EFCAB11: variants seen among roughly 807,000 people sequenced by gnomAD.
The protein encoded by EFCAB11 is EF-hand calcium-binding domain-containing protein 11.
A neutral mutation model predicts 23.0 loss-of-function variants in EFCAB11; 14 were observed. That is an observed-to-expected ratio of 0.61 (90% CI 0.40 to 0.95). The LOEUF is 0.95. EFCAB11 is among the 40% of genes least tolerant of loss of function. The pLI, the probability that EFCAB11 is intolerant of heterozygous loss-of-function variation, is 0.00. For synonymous variants in EFCAB11, 65 were observed against 66.6 expected, an observed-to-expected ratio of 0.98 and a Z score of 0.11; for missense variants, 198 against 195.8, an observed-to-expected ratio of 1.01 and a Z score of -0.07.
At position 89,908,686 on chromosome 14, in the gene EFCAB11, C is replaced by T. The variant is rs372001123; in HGVS notation, c.410+22855G>A. 4.8e-4 allele frequency among the ~76,000 whole-genome samples: 73 copies of T among 152,294 alleles called. No individual in the cohort carries two copies. In the South Asian group the frequency reaches 0.014, roughly 30 times the overall value. ...AGCACTTTGGATAAGAGATACTCAA[C>T]CTGTAGCTGGTTCTCCTCACCTTAC... is the stretch of plus-strand genomic sequence containing the variant. On this transcript the variant is annotated intron_variant, in intron 5 of 5. Transcript: ENST00000316738.
In EFCAB11 at chr14:89,806,608, C is replaced by T. The variant is rs148773025; in HGVS notation, c.411-9284G>A. On this transcript the variant is annotated intron_variant, in intron 5 of 5. Coordinates refer to ENST00000316738, the MANE Select transcript of EFCAB11 (RefSeq NM_145231.4). Reference sequence around the variant, plus strand: ...AGATCTTCCATTCTTCCCCCCATGCCGTAAATATGCAACTACCACAGGCCC... The same window carrying T: ...AGATCTTCCATTCTTCCCCCCATGCTGTAAATATGCAACTACCACAGGCCC... 1.7e-3 allele frequency among the ~76,000 whole-genome samples: 265 copies of T among 152,210 alleles called. 3 individuals are homozygous for T. The highest frequency in any genetic ancestry group is 6.1e-3 in the African/African-American group (255 of 41,516).
intron 5 of EFCAB11, among the ~76,000 whole-genome samples, chr14:89,837,958 T>C (rs1887139202): frequency 6.6e-6 from 1 of 152,144 alleles, no homozygotes. Context: ...AGCTTCTGAG[T>C]CTGCATTTCA....
At chr14:89,876,686 C>T (rs909914944) in intron 5 of EFCAB11, among the ~76,000 whole-genome samples, 1 of 152,156 alleles carries the variant, frequency 6.6e-6, no homozygotes, top group Admixed American at 6.5e-5. Context: ...CTCTTGGCAG[C>T]GCTGCCTGTC....
At chr14:89,805,492 G>T (rs1289719726) in intron 5 of EFCAB11, among the ~76,000 whole-genome samples, 1 of 152,202 alleles carries the variant, frequency 6.6e-6, no homozygotes, top group Non-Finnish European at 1.5e-5. Context: ...GCAGAGGTGA[G>T]GCTTGCTATT....
intron 5 of EFCAB11, among the ~76,000 whole-genome samples, chr14:89,905,026 A>T (rs781410988): frequency 1.3e-5 from 2 of 152,092 alleles, no homozygotes; most frequent in Non-Finnish European, 2.9e-5. Flanking sequence ...TGATTTGGGG[A>T]GTGAAGAAAT....
At chr14:89,844,807 T>A (rs1052376050) in intron 5 of EFCAB11, among the ~76,000 whole-genome samples, 3 of 152,242 alleles carry the variant, frequency 2.0e-5, no homozygotes, top group Non-Finnish European at 4.4e-5. Context: ...CTTCTGGGAC[T>A]TGGCTTTGGG....
In EFCAB11 at chr14:89,950,098, A is replaced by G; in HGVS notation, c.216T>C (p.Ser72=). ...AATTAATATTAACTTTCATATTACCAGAAGTATTTGGATTTATTGAAGACA... is the reference window on the plus strand; with the variant it reads ...AATTAATATTAACTTTCATATTACCGGAAGTATTTGGATTTATTGAAGACA... ...SVMSSINPNT[S]GILLEGFLNI... is the part of the protein sequence containing the mutation. The change falls in exon 3 of 6, where the codon TCT becomes TCC. Residue 72 remains serine, a splice_region_variant and synonymous_variant. Coordinates refer to ENST00000316738, the MANE Select transcript of EFCAB11 (RefSeq NM_145231.4). 5 of 1,552,010 alleles carry G rather than the reference A, an allele frequency of 3.2e-6. No individual in the cohort carries two copies. In the South Asian group the frequency reaches 4.6e-5, roughly 14 times the overall value.
At chr14:89,915,124 T>C (rs1889797439) in intron 5 of EFCAB11, among the ~76,000 whole-genome samples, 1 of 152,226 alleles carries the variant, frequency 6.6e-6, no homozygotes, top group Admixed American at 6.5e-5. Flanking sequence ...TCTTCTTCTC[T>C]GTACACATTA....
At chr14:89,800,244 T>C (rs987881716) in intron 5 of EFCAB11, among the ~76,000 whole-genome samples, 3 of 152,008 alleles carry the variant, frequency 2.0e-5, no homozygotes, top group African/African-American at 4.8e-5. Flanking sequence ...AGAAACACCT[T>C]AGACCCATCA....
rs1389644888 is a variant in EFCAB11, at chr14:89,797,031, C to A, written c.*212G>T. 3 of 293,732 alleles carry A rather than the reference C, an allele frequency of 1.0e-5. No individual in the cohort carries two copies. Among genetic ancestry groups the A allele is most frequent in the Non-Finnish European group, 1.9e-5 (3 of 157,650 alleles). 18.2% of individuals were successfully genotyped at this position (293,732 alleles called of 1,614,324 possible). A position where few individuals can be genotyped will look rare whatever the true frequency, so the allele number is the denominator to read the frequency against. ...CAAAAATTATGATTAAAAATTTAGT[C>A]AATTACTTATTGCATGCCTGTGCCA... On this transcript the variant is annotated 3_prime_UTR_variant, in exon 6 of 6. Coordinates refer to ENST00000316738, the MANE Select transcript of EFCAB11 (RefSeq NM_145231.4).
intron 3 of EFCAB11, among the ~76,000 whole-genome samples, chr14:89,941,608 G>A: frequency 6.7e-6 from 1 of 149,568 alleles, no homozygotes; most frequent in Non-Finnish European, 1.5e-5. Flanking sequence ...CAGAGATATG[G>A]TCTTGCTCTG....
At chr14:89,948,244 A>T (rs1471252891) in intron 3 of EFCAB11, among the ~76,000 whole-genome samples, 1 of 152,250 alleles carries the variant, frequency 6.6e-6, no homozygotes, top group African/African-American at 2.4e-5. Context: ...AAGGTACTCA[A>T]TATCATTGAT....
intron 3 of EFCAB11, among the ~76,000 whole-genome samples, chr14:89,941,606 T>C (rs908061483): frequency 6.6e-5 from 10 of 150,628 alleles, no homozygotes; most frequent in Admixed American, 6.6e-5. Flanking sequence ...TTCAGAGATA[T>C]GGTCTTGCTC....
chr14:89,831,048 T>G (rs1886867302), intron 5 of EFCAB11: 1 of 152,522 alleles, frequency 6.6e-6, no homozygotes, highest in Non-Finnish European at 1.5e-5. Flanking sequence ...AGTAGATTGA[T>G]GGGGGCAAAG....
chr14:89,919,204 CAGAG>C (rs61549850), intron 5 of EFCAB11, among the ~76,000 whole-genome samples: 38,472 of 147,612 alleles, frequency 0.26, 7,391 homozygotes, highest in African/African-American at 0.54. Context: ...GAGAGAGAGA[CAGAG>C]AGAGAGAGAG....
intron 5 of EFCAB11, among the ~76,000 whole-genome samples, chr14:89,855,337 A>G (rs1887721161): frequency 6.6e-6 from 1 of 151,962 alleles, no homozygotes; most frequent in African/African-American, 2.4e-5. Flanking sequence ...TTAGCTGGGC[A>G]GGGTGGTGTG....
chr14:89,803,131 G>T (rs1885842525), intron 5 of EFCAB11, among the ~76,000 whole-genome samples: 1 of 152,152 alleles, frequency 6.6e-6, no homozygotes, highest in South Asian at 2.1e-4. Context: ...GTCCCTTGGG[G>T]GACACAATCA....
At chr14:89,945,125 A>C (rs1356387697) in intron 3 of EFCAB11, among the ~76,000 whole-genome samples, 3 of 151,652 alleles carry the variant, frequency 2.0e-5, no homozygotes, top group African/African-American at 7.3e-5. Context: ...CCCCCCACTC[A>C]GTGTGGGTAG....
At position 89,885,223 on chromosome 14, in the gene EFCAB11, G is replaced by A. The variant is rs375172300; in HGVS notation, c.410+46318C>T. Among the ~76,000 whole-genome samples, 79 of 152,286 alleles carry A rather than the reference G, an allele frequency of 5.2e-4. No individual in the cohort carries two copies. The South Asian group carries it at 0.014, about 27-fold the overall frequency. ...TTCAGAATTATCTGATAAAATATGT[G>A]TAAAACTTTTACATTAAAACTACAA... On this transcript the variant is annotated intron_variant, in intron 5 of 5. Coordinates refer to ENST00000316738, the MANE Select transcript of EFCAB11 (RefSeq NM_145231.4).
Sources: gnomAD v4.1 joint callset for allele counts (sites outside exome capture counted in the v4.1 genomes callset) on GRCh38, gnomAD v4.1.1 for gene constraint, MANE v1.5 for transcripts, NCBI Gene and HGNC (gene_info 2026-07-23, HGNC 2026-07-21) for gene names.